Variants in AOAH observed in about 807,000 individuals in gnomAD.
AOAH encodes the protein acyloxyacyl hydrolase (neutrophil).
In AOAH, 64 loss-of-function variants were observed where a neutral mutation model predicts 92.2. The observed-to-expected ratio is 0.69, with a 90% confidence interval of 0.57 to 0.86. The LOEUF (loss-of-function observed/expected upper bound fraction) is 0.86. AOAH is among the 40% of genes least tolerant of loss of function. The pLI is 0.00. For synonymous variants in AOAH, 263 were observed against 254.5 expected, an observed-to-expected ratio of 1.03 and a Z score of -0.32; for missense variants, 656 against 694.6, an observed-to-expected ratio of 0.94 and a Z score of 0.62.
At chr7:36,633,067 C>A (rs1793246756) in intron 5 of AOAH, among the ~76,000 whole-genome samples, 1 of 152,168 alleles carries the variant, frequency 6.6e-6, no homozygotes, top group African/African-American at 2.4e-5. Context: ...TCTGCAGAGG[C>A]CAAGGCACTA....
At chr7:36,722,704 G>GA (rs758685168) in intron 1 of AOAH, among the ~76,000 whole-genome samples, 3 of 151,976 alleles carry the variant, frequency 2.0e-5, no homozygotes, top group African/African-American at 7.3e-5. Context: ...GGGAGCCAAG[G>GA]GGGGCGGATC....
chr7:36,535,100 G>A (rs571794715), intron 16 of AOAH, among the ~76,000 whole-genome samples: 6 of 123,076 alleles, frequency 4.9e-5, no homozygotes, highest in African/African-American at 1.9e-4. Flanking sequence ...GTGTGTGTTT[G>A]TGTGTGTCTG....
chr7:36,597,622 C>A (rs1353179004), intron 11 of AOAH, among the ~76,000 whole-genome samples: 2 of 152,088 alleles, frequency 1.3e-5, no homozygotes, highest in African/African-American at 4.8e-5. Flanking sequence ...TCTTTTCCAC[C>A]CCACTCCCTC....
intron 16 of AOAH, among the ~76,000 whole-genome samples, chr7:36,537,023 G>A (rs561064022): frequency 1.4e-5 from 2 of 145,104 alleles, no homozygotes; most frequent in African/African-American, 5.1e-5. Flanking sequence ...CTGTCATCTT[G>A]TGTGAGTGAT....
At chr7:36,623,066 A>C in intron 7 of AOAH, 124 bp downstream of exon 7, 1 of 851,114 alleles carries the variant, frequency 1.2e-6, no homozygotes. Context: ...TTGTGAAATG[A>C]TGTGTTGTTC....
intron 2 of AOAH, among the ~76,000 whole-genome samples, chr7:36,679,452 C>T (rs1184091516): frequency 6.6e-6 from 1 of 150,928 alleles, no homozygotes; most frequent in Non-Finnish European, 1.5e-5. Context: ...GATTAAAATA[C>T]TCCAAAAGGT....
At chr7:36,613,318 G>A (rs1346109222) in intron 11 of AOAH, among the ~76,000 whole-genome samples, 4 of 152,008 alleles carry the variant, frequency 2.6e-5, no homozygotes, top group East Asian at 3.9e-4. Flanking sequence ...ATCTTCCCTC[G>A]TTGTTGGTTT....
chr7:36,702,116 T>G (rs571365304), intron 1 of AOAH, among the ~76,000 whole-genome samples: 2 of 152,276 alleles, frequency 1.3e-5, no homozygotes, highest in South Asian at 4.1e-4. Context: ...ATAAGTGTTA[T>G]AAATACAACA....
chr7:36,631,373 C>T (rs907906137), intron 6 of AOAH, among the ~76,000 whole-genome samples: 22 of 151,020 alleles, frequency 1.5e-4, no homozygotes. Context: ...AAAGAAGTAG[C>T]TTAGTGGAGG....
intron 4 of AOAH, among the ~76,000 whole-genome samples, chr7:36,642,499 T>C (rs1206493790): frequency 6.6e-6 from 1 of 152,204 alleles, no homozygotes; most frequent in African/African-American, 2.4e-5. Flanking sequence ...TCAGCCTCCA[T>C]AACTGTCAGA....
chr7:36,517,019 G>A (rs992359850), intron 20 of AOAH, among the ~76,000 whole-genome samples: 6 of 152,178 alleles, frequency 3.9e-5, no homozygotes, highest in Admixed American at 6.5e-5. Flanking sequence ...ATGATCCACT[G>A]TAATCATTCA....
At chr7:36,702,641 A>G (rs978001922) in intron 1 of AOAH, among the ~76,000 whole-genome samples, 1 of 152,210 alleles carries the variant, frequency 6.6e-6, no homozygotes, top group Non-Finnish European at 1.5e-5. Context: ...AACAATGTAC[A>G]TATCTTAATT....
At position 36,544,965 on chromosome 7, in the gene AOAH, C is replaced by G. The variant is rs560800105; in HGVS notation, c.1133+3647G>C. ...CTAGCATTTGTGTTTTTGAAACACC[C>G]AGGTAAGAGGGTTAGCCCTTTTCTT... On this transcript the variant is annotated intron_variant, in intron 15 of 20. Coordinates refer to ENST00000617537, the MANE Select transcript of AOAH (RefSeq NM_001637.4). 4.6e-5 allele frequency among the ~76,000 whole-genome samples: 7 copies of G among 152,276 alleles called. No homozygotes were observed. In the East Asian group the frequency reaches 1.2e-3, roughly 25 times the overall value.
chr7:36,528,186 A>G (rs1288803767), intron 19 of AOAH, among the ~76,000 whole-genome samples: 2 of 152,206 alleles, frequency 1.3e-5, no homozygotes, highest in South Asian at 2.1e-4. Flanking sequence ...AGATCTTCAC[A>G]TTTATTTTAA....
rs983212896 is a variant in AOAH, at chr7:36,540,761, G to T, written c.1134-270C>A. Among the ~76,000 whole-genome samples the T allele has an allele frequency of 2.6e-5, 4 of 152,226 alleles. No individual in the cohort carries two copies. In the East Asian group the frequency reaches 7.7e-4, roughly 29 times the overall value. ...AGTGACATGTGTCATATTTGGTGAT[G>T]TGACACCTTCTAGAATGCTCCTTTT... On this transcript the variant is annotated intron_variant, in intron 15 of 20. Coordinates refer to ENST00000617537, the MANE Select transcript of AOAH (RefSeq NM_001637.4).
chr7:36,682,271 AG>A (rs1243089409), intron 2 of AOAH, among the ~76,000 whole-genome samples: 10 of 152,264 alleles, frequency 6.6e-5, no homozygotes, highest in African/African-American at 2.4e-4. Flanking sequence ...GGAAACAGTC[AG>A]AAAAATCTCA....
intron 3 of AOAH, among the ~76,000 whole-genome samples, chr7:36,662,876 CAAA>C (rs1176311572): frequency 6.6e-6 from 1 of 152,090 alleles, no homozygotes; most frequent in African/African-American, 2.4e-5. Context: ...GATTTATCAT[CAAA>C]AAGACATAAA....
chr7:36,708,994 TTCTTTC>T (rs1482408418), intron 1 of AOAH, among the ~76,000 whole-genome samples: 1 of 152,132 alleles, frequency 6.6e-6, no homozygotes, highest in African/African-American at 2.4e-5. Context: ...CCCCTGGGCT[TTCTTTC>T]ACTTTCTGCT....
intron 2 of AOAH, among the ~76,000 whole-genome samples, chr7:36,677,605 CCA>C (rs1796337064): frequency 6.6e-6 from 1 of 151,992 alleles, no homozygotes; most frequent in Non-Finnish European, 1.5e-5. Flanking sequence ...GCAATGTGAT[CCA>C]GTTTATATAT....
Sources: gnomAD v4.1 joint callset for allele counts (sites outside exome capture counted in the v4.1 genomes callset) on GRCh38, gnomAD v4.1.1 for gene constraint, MANE v1.5 for transcripts, NCBI Gene and HGNC (gene_info 2026-07-23, HGNC 2026-07-21) for gene names.